The following TNN variants were observed in gnomAD, a reference collection of about 807,000 sequenced individuals.
TNN encodes tenascin-N.
In TNN, 122 loss-of-function variants were observed where a neutral mutation model predicts 134.4. The observed-to-expected ratio is 0.91, with a 90% CI of 0.78 to 1.06. The LOEUF (loss-of-function observed/expected upper bound fraction) is 1.06. Among genes scored for constraint, TNN ranks in the 50% least tolerant of loss-of-function variants. TNN has a pLI of 0.00. For synonymous variants in TNN, 710 were observed against 670.3 expected, an observed-to-expected ratio of 1.06 and a Z score of -0.91; for missense variants, 1,739 against 1,699.4, an observed-to-expected ratio of 1.02 and a Z score of -0.41.
At chr1:175,139,256 A>AT (rs1311836462) in intron 17 of TNN, among the ~76,000 whole-genome samples, 3 of 152,156 alleles carry the variant, frequency 2.0e-5, no homozygotes, top group Non-Finnish European at 2.9e-5. Flanking sequence ...ATCTTTTTCA[A>AT]TTTTTTTGAC....
rs550217032 is a variant in TNN at position 175,129,771 on chromosome 1, A to G, written c.3330+1025A>G. ...CTCCTAATCATTGGTCTTCTCAGTGAGTTCATCTCAGGTCATCCAAGATGC... is the reference window on the plus strand; with the variant it reads ...CTCCTAATCATTGGTCTTCTCAGTGGGTTCATCTCAGGTCATCCAAGATGC... On this transcript the variant is annotated intron_variant, in intron 15 of 18. Coordinates refer to ENST00000239462, the MANE Select transcript of TNN (RefSeq NM_022093.2). 4.6e-5 allele frequency among the ~76,000 whole-genome samples: 7 copies of G among 152,236 alleles called. No individual in the cohort carries two copies. In the East Asian group the frequency reaches 1.2e-3, roughly 25 times the overall value.
chr1:175,098,707 A>G, intron 9 of TNN, 112 bp downstream of exon 9: 1 of 1,466,848 alleles, frequency 6.8e-7, no homozygotes, highest in Non-Finnish European at 9.3e-7. Context: ...GCAGGTTGGT[A>G]TCCTCCCATA....
intron 1 of TNN, among the ~76,000 whole-genome samples, chr1:175,068,415 T>A (rs922920533): frequency 6.6e-6 from 1 of 152,250 alleles, no homozygotes. Flanking sequence ...GAAGCTATGA[T>A]AACTTTCCCT....
At chr1:175,129,649 T>C (rs772395370) in intron 15 of TNN, among the ~76,000 whole-genome samples, 1 of 152,000 alleles carries the variant, frequency 6.6e-6, no homozygotes, top group Non-Finnish European at 1.5e-5. Context: ...TTGTTTTTCT[T>C]ATTTTACAGA....
At chr1:175,079,242 A>C in intron 2 of TNN, 91 bp from the exon 3 acceptor site, 1 of 1,428,636 alleles carries the variant, frequency 7.0e-7, no homozygotes. Flanking sequence ...GGGGCTAATG[A>C]TTTCTGGGTC....
In TNN at chr1:175,147,012, A is replaced by ATC; in HGVS notation, c.3841_3842insTC (p.Arg1281IlefsTer13). ...GAAAATCCGCCCTCATGGCTACAGC[A>ATC]GGGAGCCTGTCCTGGGCAGAAAGAA... On this transcript the variant is annotated frameshift_variant, in exon 19 of 19. Coordinates refer to ENST00000239462, the MANE Select transcript of TNN (RefSeq NM_022093.2). LOFTEE classifies it high-confidence loss of function. 1 of 1,606,162 alleles carries ATC rather than the reference A, an allele frequency of 6.2e-7. No homozygotes were observed.
chr1:175,109,070 G>GTTTTTTTTTTTTT (rs1338891175), intron 9 of TNN, among the ~76,000 whole-genome samples: 10 of 88,338 alleles, frequency 1.1e-4, no homozygotes, highest in Non-Finnish European at 1.3e-4. Flanking sequence ...CTATCTAACT[G>GTTTTTTTTTTTTT]TATTTTTTTT....
chr1:175,121,575 T>C (rs1179882596), intron 11 of TNN, among the ~76,000 whole-genome samples: 1 of 152,096 alleles, frequency 6.6e-6, no homozygotes, highest in Admixed American at 6.5e-5. Flanking sequence ...ATGACAAGGA[T>C]AGAAGTTGGG....
chr1:175,135,349 G>T (rs1233566599), intron 15 of TNN, among the ~76,000 whole-genome samples: 1 of 152,108 alleles, frequency 6.6e-6, no homozygotes, highest in Non-Finnish European at 1.5e-5. Flanking sequence ...GTAAATATTT[G>T]TTGTGTGAAC....
At chr1:175,077,983 A>G (rs73044924) in intron 2 of TNN, among the ~76,000 whole-genome samples, 156 bp downstream of exon 2, 1,762 of 152,206 alleles carry the variant, frequency 0.012, 29 homozygotes, top group African/African-American at 0.04. Flanking sequence ...CTATTTATTC[A>G]TTTATTCACT....
Position 175,080,416 on chromosome 1 carries a change from TG to T in TNN, c.1039del (p.Ala347ProfsTer13). On this transcript the variant is annotated frameshift_variant, in exon 4 of 19. Transcript: ENST00000239462. LOFTEE classifies it high-confidence loss of function. ...TTTCTAGCAGCCCACAGCATCTACT[TG>T]CCACCACAGGTGAGGAAGCCACCTG... Reference protein sequence around the residue: ...EVSSSPQHLLATTDLAVLGTA... With the variant: ...EVSSSPQHLLXTTDLAVLGTA... 6.2e-7 allele frequency: 1 copy of T among 1,614,022 alleles called. No individual in the cohort carries two copies. The highest frequency in any genetic ancestry group is 8.5e-7 in the Non-Finnish European group (1 of 1,179,904).
rs61742080 is a variant in TNN, at chr1:175,080,269, C to G, written c.891C>G (p.Pro297=). ...QVDHYLLSYY[P]LGKELSGKQI... ...ATCACTACCTCCTCAGCTACTACCC[C>G]CTGGGGAAGGAGCTCTCTGGGAAGC... Residue 297 remains proline, a synonymous_variant, in exon 4 of 19, where the codon CCC becomes CCG. Coordinates refer to ENST00000239462, the MANE Select transcript of TNN (RefSeq NM_022093.2). 16 of 1,613,946 alleles carry G rather than the reference C, an allele frequency of 9.9e-6. No individual in the cohort carries two copies. Among genetic ancestry groups the G allele is most frequent in the South Asian group, 4.4e-5 (4 of 91,088 alleles).
chr1:175,104,561 C>T (rs1258435241), intron 9 of TNN, among the ~76,000 whole-genome samples: 1 of 145,938 alleles, frequency 6.9e-6, no homozygotes, highest in Non-Finnish European at 1.5e-5. Context: ...CTCTGAACCA[C>T]CAAGGTTTGT....
chr1:175,085,751 G>A (rs187329946), intron 6 of TNN, among the ~76,000 whole-genome samples: 3 of 151,884 alleles, frequency 2.0e-5, no homozygotes, highest in South Asian at 2.1e-4. Context: ...GCGCATGCCT[G>A]TAATCCCAGC....
At chr1:175,138,128 T>C (rs2213874) in intron 17 of TNN, among the ~76,000 whole-genome samples, 112,139 of 152,092 alleles carry the variant, frequency 0.74, 41,608 homozygotes, top group Non-Finnish European at 0.78. Context: ...CTTCTCAAGA[T>C]CATGTACTCA....
intron 1 of TNN, among the ~76,000 whole-genome samples, chr1:175,075,299 C>T (rs907158152): frequency 2.0e-5 from 3 of 152,050 alleles, no homozygotes; most frequent in Non-Finnish European, 2.9e-5. Context: ...TCAACCTAGG[C>T]GTTATTATTA....
At chr1:175,094,491 G>A (rs919780067) in intron 7 of TNN, among the ~76,000 whole-genome samples, 4 of 152,120 alleles carry the variant, frequency 2.6e-5, no homozygotes, top group South Asian at 2.1e-4. Flanking sequence ...TTGGAATTCC[G>A]TATGCAACCC....
chr1:175,091,185 T>G (rs1674436659), intron 6 of TNN, among the ~76,000 whole-genome samples: 1 of 152,174 alleles, frequency 6.6e-6, no homozygotes, highest in African/African-American at 2.4e-5. Context: ...CTGATCCCCA[T>G]CGGGGGAATG....
At chr1:175,120,493 G>A (rs1051208400) in intron 11 of TNN, among the ~76,000 whole-genome samples, 10 of 152,190 alleles carry the variant, frequency 6.6e-5, no homozygotes, top group African/African-American at 2.2e-4. Context: ...CCTCGTCCAG[G>A]AGACCCAGGC....
Sources: allele counts gnomAD v4.1 joint callset (sites outside exome capture counted in the v4.1 genomes callset), GRCh38; gene constraint gnomAD v4.1.1; transcripts MANE v1.5; gene names NCBI Gene and HGNC (gene_info 2026-07-23, HGNC 2026-07-21).